Variants in SLC6A15 observed in about 807,000 individuals in gnomAD.
SLC6A15 encodes solute carrier family 6 member 15.
SLC6A15 carries 33 observed loss-of-function variants against 68.5 expected under a neutral mutation model. The ratio of observed to expected loss-of-function variants is 0.48; its 90% CI spans 0.37 to 0.64. SLC6A15 has a LOEUF of 0.64. SLC6A15 is among the 30% of genes least tolerant of loss of function. The pLI is 0.00. For synonymous variants in SLC6A15, 347 were observed against 301.0 expected (o/e 1.15, Z -1.58); for missense variants, 747 against 874.3 (o/e 0.85, Z 1.84).
chr12:84,894,307 G>T (rs975596161), intron 1 of SLC6A15, among the ~76,000 whole-genome samples: 1 of 152,162 alleles, frequency 6.6e-6, no homozygotes, highest in East Asian at 1.9e-4. Context: ...GATAAAATGT[G>T]TTGGCATAGT....
At position 84,883,693 on chromosome 12, in the gene SLC6A15, T is replaced by TA; in HGVS notation, c.756+165dup. 7.8e-6 allele frequency: 12 copies of TA among 1,540,860 alleles called. No individual in the cohort carries two copies. The South Asian group carries it at 1.5e-4, about 19-fold the overall frequency. ...AAAACACTGTTTTTATTTGTCTTTT[T>TA]AAAAATGTAAGCACACTTTTGAAGT... On this transcript the variant is annotated intron_variant, in intron 5 of 11. Coordinates refer to ENST00000266682, the MANE Select transcript of SLC6A15 (RefSeq NM_182767.6).
chr12:84,892,366 GA>G (rs1263953661), intron 1 of SLC6A15, 58 bp from the exon 2 acceptor site: 2 of 344,014 alleles, frequency 5.8e-6, no homozygotes, highest in Non-Finnish European at 1.0e-5. Flanking sequence ...TTTAAATACA[GA>G]ATTATTCTTT....
intron 1 of SLC6A15, among the ~76,000 whole-genome samples, chr12:84,898,226 A>T (rs1457015943): frequency 6.6e-6 from 1 of 152,188 alleles, no homozygotes; most frequent in East Asian, 1.9e-4. Flanking sequence ...CTTTAGTCCC[A>T]GCTACTTGGT....
intron 2 of SLC6A15, 22 bp from the exon 3 acceptor site, chr12:84,886,090 A>T (rs1285399718): frequency 6.6e-7 from 1 of 1,507,796 alleles, no homozygotes; most frequent in Non-Finnish European, 9.1e-7. Context: ...ACAACAAAAA[A>T]TAGATTATAT....
chr12:84,860,938 T>A lies in SLC6A15; in HGVS notation c.*694A>T, dbSNP rs1293862910. ...GAATCTGCATAATTCTTGAGAGTGCTGAGTAACTCACTCTTAGTTCATTTT... is the reference window on the plus strand; with the variant it reads ...GAATCTGCATAATTCTTGAGAGTGCAGAGTAACTCACTCTTAGTTCATTTT... On this transcript the variant is annotated 3_prime_UTR_variant, in exon 12 of 12. Transcript: ENST00000266682. The A allele has an allele frequency of 1.3e-5, 2 of 152,138 alleles. No homozygotes were observed. Among genetic ancestry groups the A allele is most frequent in the Non-Finnish European group, 2.9e-5 (2 of 67,998 alleles). 9.4% of individuals were successfully genotyped at this position (152,138 alleles called of 1,614,324 possible).
At chr12:84,888,005 C>T (rs186507510) in intron 2 of SLC6A15, among the ~76,000 whole-genome samples, 1 of 151,772 alleles carries the variant, frequency 6.6e-6, no homozygotes, top group African/African-American at 2.4e-5. Context: ...GCTGGCAGAT[C>T]GCTTGAGTTC....
intron 4 of SLC6A15, among the ~76,000 whole-genome samples, chr12:84,884,979 T>A (rs547179701): frequency 2.0e-5 from 3 of 152,054 alleles, no homozygotes; most frequent in East Asian, 3.9e-4. Flanking sequence ...ACATCACTAC[T>A]ATAGGTGACT....
rs905773588 is a variant in SLC6A15, at chr12:84,892,146, A to C, written c.-26T>G. On this transcript the variant is annotated 5_prime_UTR_variant, in exon 2 of 12. Transcript: ENST00000266682. ...TGGAGAGTATGCGAAGTATTTAAAA[A>C]AAAAAAAAAAAACTCCCTTATGGCA... 3.2e-6 allele frequency: 5 copies of C among 1,545,790 alleles called. No homozygotes were observed. The highest frequency in any genetic ancestry group is 1.7e-4 in the Middle Eastern group (1 of 5,742).
chr12:84,869,433 C>G (rs1047017757), intron 9 of SLC6A15, among the ~76,000 whole-genome samples: 1 of 141,428 alleles, frequency 7.1e-6, no homozygotes, highest in Admixed American at 7.8e-5. Context: ...CTGCTGCACT[C>G]CAGCCTGGGC....
At chr12:84,871,877 G>T (rs1322886878) in intron 8 of SLC6A15, among the ~76,000 whole-genome samples, 8 of 152,098 alleles carry the variant, frequency 5.3e-5, no homozygotes, top group Admixed American at 5.2e-4. Context: ...CATCGGTTGG[G>T]CACGGTGGCT....
At chr12:84,908,195 A>G (rs1873260276) in intron 1 of SLC6A15, among the ~76,000 whole-genome samples, 1 of 152,130 alleles carries the variant, frequency 6.6e-6, no homozygotes, top group Non-Finnish European at 1.5e-5. Flanking sequence ...ATTTGTCAAG[A>G]GCTCACAAGA....
chr12:84,903,915 A>G (rs1336969205), intron 1 of SLC6A15, among the ~76,000 whole-genome samples: 1 of 152,204 alleles, frequency 6.6e-6, no homozygotes, highest in African/African-American at 2.4e-5. Flanking sequence ...TTTTCTAAAA[A>G]TATTAATTTA....
At chr12:84,908,834 A>G (rs1229783162) in intron 1 of SLC6A15, among the ~76,000 whole-genome samples, 1 of 152,010 alleles carries the variant, frequency 6.6e-6, no homozygotes, top group Non-Finnish European at 1.5e-5. Flanking sequence ...TACTATGTGC[A>G]TAATTCTACC....
At chr12:84,905,838 C>T (rs1873117283) in intron 1 of SLC6A15, among the ~76,000 whole-genome samples, 1 of 152,156 alleles carries the variant, frequency 6.6e-6, no homozygotes, top group South Asian at 2.1e-4. Flanking sequence ...GAAGAACAGC[C>T]AAGTTACAAA....
intron 2 of SLC6A15, among the ~76,000 whole-genome samples, chr12:84,891,301 CA>C (rs1381624335): frequency 4.6e-5 from 7 of 152,126 alleles, no homozygotes; most frequent in African/African-American, 1.7e-4. Context: ...GAATGTCTAG[CA>C]TTGTATTATC....
intron 1 of SLC6A15, among the ~76,000 whole-genome samples, chr12:84,899,685 T>C (rs577449068): frequency 6.6e-6 from 1 of 152,282 alleles, no homozygotes; most frequent in Non-Finnish European, 1.5e-5. Flanking sequence ...CTGCTATATT[T>C]CCATTCATCT....
chr12:84,883,506 CT>C, intron 5 of SLC6A15: 1 of 1,266,372 alleles, frequency 7.9e-7, no homozygotes, highest in Non-Finnish European at 1.0e-6. Flanking sequence ...CATTTTACCA[CT>C]TTCCCCAATT....
At position 84,863,572 on chromosome 12, in the gene SLC6A15, C is replaced by T. The variant is rs1267111681; in HGVS notation, c.1685G>A (p.Gly562Asp). The change falls in exon 11 of 12, where the codon GGC becomes GAC. Residue 562 changes from glycine to aspartate, a missense_variant. Coordinates refer to ENST00000266682, the MANE Select transcript of SLC6A15 (RefSeq NM_182767.6). ...KFMEDLKDML[G>D]FAPSRYYYYM... Reference sequence around the variant, plus strand: ...GTAGTAATATCTGCTGGGAGCAAAGCCCAGCATATCTTTTAGGTCTTCCAT... The same window carrying T: ...GTAGTAATATCTGCTGGGAGCAAAGTCCAGCATATCTTTTAGGTCTTCCAT... The T allele has an allele frequency of 1.3e-5, 20 of 1,564,334 alleles. No homozygotes were observed. The highest frequency in any genetic ancestry group is 1.7e-5 in the Non-Finnish European group (20 of 1,163,436).
chr12:84,883,646 A>G, intron 5 of SLC6A15: 5 of 1,460,142 alleles, frequency 3.4e-6, no homozygotes, highest in Non-Finnish European at 4.5e-6. Flanking sequence ...GAAAGATTAT[A>G]ATTAACCTTA....
Sources: gnomAD v4.1 joint callset for allele counts (sites outside exome capture counted in the v4.1 genomes callset) on GRCh38, gnomAD v4.1.1 for gene constraint, MANE v1.5 for transcripts, NCBI Gene and HGNC (gene_info 2026-07-23, HGNC 2026-07-21) for gene names.